Variants in FAM89A observed in about 807,000 individuals in gnomAD.
FAM89A encodes protein FAM89A.
A neutral mutation model predicts 7.1 loss-of-function variants in FAM89A; 10 were observed. The ratio of observed to expected loss-of-function variants is 1.40; its 90% CI spans 0.86 to 2.38. The LOEUF is 2.38. Ranked by LOEUF, FAM89A falls within the 30% of genes most tolerant of loss-of-function variation. The pLI, the probability that FAM89A is intolerant of heterozygous loss-of-function variation, is 0.00. For synonymous variants in FAM89A, 157 were observed against 129.3 expected, an observed-to-expected ratio of 1.21 and a Z score of -1.45; for missense variants, 276 against 262.8, an observed-to-expected ratio of 1.05 and a Z score of -0.35.
Position 231,040,208 on chromosome 1 carries a change from T to C in FAM89A, c.4A>G (p.Ser2Gly). Reference sequence around the variant, plus strand: ...GCCCCGGGCGCCGCCCGGGCCCCACTCATCGCGCCGCGGCCCGGCCACGCG... The same window carrying C: ...GCCCCGGGCGCCGCCCGGGCCCCACCCATCGCGCCGCGGCCCGGCCACGCG... The part of the protein sequence containing the change: M[S>G]GARAAPGAAG... The change falls in exon 1 of 2, where the codon AGT (serine) becomes GGT (glycine). Residue 2 changes from serine to glycine, a missense_variant. Coordinates refer to ENST00000366654, the MANE Select transcript of FAM89A (RefSeq NM_198552.3). 9.3e-7 allele frequency: 1 copy of C among 1,071,208 alleles called. No homozygotes were observed. The highest frequency in any genetic ancestry group is 7.1e-5 in the East Asian group (1 of 14,094). The allele number at this position is 1,071,208 out of a possible 1,614,324, so 66.4% of individuals were successfully genotyped here. A position where few individuals can be genotyped will look rare whatever the true frequency, so the allele number is the denominator to read the frequency against.
intron 1 of FAM89A, 112 bp from the exon 2 acceptor site, chr1:231,020,238 G>T (rs147532428): frequency 1.8e-6 from 2 of 1,121,200 alleles, no homozygotes; most frequent in South Asian, 1.6e-5. Context: ...TCCACACGGC[G>T]CATGATTCAG....
At chr1:231,030,648 C>T (rs923573238) in intron 1 of FAM89A, among the ~76,000 whole-genome samples, 2 of 152,022 alleles carry the variant, frequency 1.3e-5, no homozygotes, top group Admixed American at 6.6e-5. Context: ...TCAAATGGTT[C>T]GTAATCATAC....
chr1:231,033,381 T>A (rs1296552814), intron 1 of FAM89A, among the ~76,000 whole-genome samples: 1 of 152,218 alleles, frequency 6.6e-6, no homozygotes, highest in East Asian at 1.9e-4. Flanking sequence ...TCCATGGAGT[T>A]CCTGCAGGCA....
At chr1:231,023,310 G>A (rs1679912126) in intron 1 of FAM89A, among the ~76,000 whole-genome samples, 1 of 152,190 alleles carries the variant, frequency 6.6e-6, no homozygotes, top group African/African-American at 2.4e-5. Flanking sequence ...GGGCCCAGAG[G>A]ACAACCTCTC....
rs1011676018 is a variant in FAM89A at position 231,021,533 on chromosome 1, G to C, written c.292-1407C>G. 6 of 810,892 alleles carry C rather than the reference G, an allele frequency of 7.4e-6. No homozygotes were observed. In the African/African-American group the frequency reaches 8.5e-5, roughly 12 times the overall value. 50.2% of individuals were successfully genotyped at this position (810,892 alleles called of 1,614,324 possible). On this transcript the variant is annotated intron_variant, in intron 1 of 1. Coordinates refer to ENST00000366654, the MANE Select transcript of FAM89A (RefSeq NM_198552.3). ...TTAACCAGAGGGCACGAAAGGTTGA[G>C]AACATTCGACTTCCCTGCAAACCTT...
intron 1 of FAM89A, among the ~76,000 whole-genome samples, chr1:231,025,079 C>T (rs1178650813): frequency 6.6e-6 from 1 of 151,968 alleles, no homozygotes; most frequent in Non-Finnish European, 1.5e-5. Context: ...CTCGCCACTA[C>T]GTCCGGCTAA....
chr1:231,038,278 G>A (rs906316318), intron 1 of FAM89A, among the ~76,000 whole-genome samples: 2 of 152,106 alleles, frequency 1.3e-5, no homozygotes, highest in African/African-American at 2.4e-5. Context: ...GTAATTATAC[G>A]GATGTGGTTG....
intron 1 of FAM89A, among the ~76,000 whole-genome samples, chr1:231,020,900 A>G (rs1196743416): frequency 2.0e-5 from 3 of 152,196 alleles, no homozygotes; most frequent in Non-Finnish European, 4.4e-5. Context: ...CAGAGAAAAG[A>G]GCACGGTCAC....
chr1:231,035,589 A>C (rs1680146813), intron 1 of FAM89A, among the ~76,000 whole-genome samples: 1 of 152,204 alleles, frequency 6.6e-6, no homozygotes, highest in South Asian at 2.1e-4. Flanking sequence ...TGGGAAGGGC[A>C]GTCTATGTAA....
chr1:231,036,518 G>A (rs945586048), intron 1 of FAM89A, among the ~76,000 whole-genome samples: 1 of 152,044 alleles, frequency 6.6e-6, no homozygotes, highest in African/African-American at 2.4e-5. Flanking sequence ...CCCTTCTGGG[G>A]AGGGGACGAG....
intron 1 of FAM89A, among the ~76,000 whole-genome samples, chr1:231,038,938 G>A (rs957671371): frequency 3.3e-5 from 5 of 152,180 alleles, no homozygotes; most frequent in African/African-American, 1.2e-4. Context: ...TTTACCTATA[G>A]GGAAAGGAGA....
intron 1 of FAM89A, among the ~76,000 whole-genome samples, chr1:231,027,365 A>G (rs1194050551): frequency 6.6e-6 from 1 of 152,194 alleles, no homozygotes; most frequent in Middle Eastern, 3.2e-3. Context: ...CCGCCTAGGA[A>G]TACAGCGCAG....
chr1:231,019,431 GA>G lies in FAM89A; in HGVS notation c.*431del, dbSNP rs757286398. The stretch of plus-strand genomic sequence containing the variant: ...GAGCATATTGAGGAAGGGAAGCAGT[GA>G]AATGGTGGTTTTAATACATCCCAAA... On this transcript the variant is annotated 3_prime_UTR_variant, in exon 2 of 2. Coordinates refer to ENST00000366654, the MANE Select transcript of FAM89A (RefSeq NM_198552.3). 1.9e-5 allele frequency: 3 copies of G among 161,092 alleles called. No homozygotes were observed. The highest frequency in any genetic ancestry group is 4.1e-5 in the Non-Finnish European group (3 of 72,972). The allele number at this position is 161,092 out of a possible 1,614,324, so 10.0% of individuals were successfully genotyped here.
chr1:231,040,063 A>C lies in FAM89A; in HGVS notation c.149T>G (p.Leu50Arg). ...CGACTTCTGCGCGTACAGCCGCTCC[A>C]GGTGCCGCCAGCCCCCAGACGCGCC... ...GGGASGGWRH[L>R]ERLYAQKSRI... The change falls in exon 1 of 2, where the codon CTG (leucine) becomes CGG (arginine). Residue 50 changes from leucine to arginine, a missense_variant. Leu to Arg is a moderately radical substitution (Grantham distance 102). Transcript: ENST00000366654. The C allele has an allele frequency of 1.4e-6, 2 of 1,448,336 alleles. No homozygotes were observed. Among genetic ancestry groups the C allele is most frequent in the South Asian group, 2.7e-5 (2 of 73,536 alleles). 89.7% of individuals were successfully genotyped at this position (1,448,336 alleles called of 1,614,324 possible).
chr1:231,019,810 C>A lies in FAM89A; in HGVS notation c.*53G>T. The A allele has an allele frequency of 1.3e-6, 2 of 1,575,166 alleles. No homozygotes were observed. The highest frequency in any genetic ancestry group is 1.2e-5 in the South Asian group (1 of 86,352). On this transcript the variant is annotated 3_prime_UTR_variant, in exon 2 of 2. Coordinates refer to ENST00000366654, the MANE Select transcript of FAM89A (RefSeq NM_198552.3). The stretch of plus-strand genomic sequence containing the variant: ...TTGCAAGAGAAGCAGCAAATGATGA[C>A]AGCGTGTCCAGTAGGAAGGGCTTCC...
At chr1:231,022,993 T>A (rs1679905626) in intron 1 of FAM89A, among the ~76,000 whole-genome samples, 1 of 152,174 alleles carries the variant, frequency 6.6e-6, no homozygotes, top group Non-Finnish European at 1.5e-5. Context: ...AGGCACATGT[T>A]TGGGTGTCCT....
intron 1 of FAM89A, among the ~76,000 whole-genome samples, chr1:231,030,580 T>G (rs910462070): frequency 6.6e-6 from 1 of 152,222 alleles, no homozygotes; most frequent in African/African-American, 2.4e-5. Context: ...AATGTCTTTG[T>G]ACATTCTTTT....
At chr1:231,038,416 G>A (rs540669805) in intron 1 of FAM89A, among the ~76,000 whole-genome samples, 4 of 152,210 alleles carry the variant, frequency 2.6e-5, no homozygotes, top group African/African-American at 9.6e-5. Context: ...GCGGCCCCGA[G>A]GTTTTTCTAT....
At position 231,040,217 on chromosome 1, in the gene FAM89A, C is replaced by A. The variant is rs1345452154; in HGVS notation, c.-6G>T. ...GCCGCCCGGGCCCCACTCATCGCGC[C>A]GCGGCCCGGCCACGCGCCTGCCCCG... On this transcript the variant is annotated 5_prime_UTR_variant, in exon 1 of 2. Transcript: ENST00000366654. 2 of 1,054,268 alleles carry A rather than the reference C, an allele frequency of 1.9e-6. No homozygotes were observed. Among genetic ancestry groups the A allele is most frequent in the Non-Finnish European group, 2.3e-6 (2 of 877,184 alleles). The allele number at this position is 1,054,268 out of a possible 1,614,324, so 65.3% of individuals were successfully genotyped here. A position where few individuals can be genotyped will look rare whatever the true frequency, so the allele number is the denominator to read the frequency against.
Sources: allele counts gnomAD v4.1 joint callset (sites outside exome capture counted in the v4.1 genomes callset), GRCh38; gene constraint gnomAD v4.1.1; transcripts MANE v1.5; gene names NCBI Gene and HGNC (gene_info 2026-07-23, HGNC 2026-07-21).